The following PCDH15 variants were observed in gnomAD, a reference collection of about 807,000 sequenced individuals.
The protein encoded by PCDH15 is protocadherin related 15.
PCDH15 carries 129 observed loss-of-function variants against 178.5 expected under a neutral mutation model. The observed-to-expected ratio is 0.72, with a 90% CI of 0.63 to 0.84. The LOEUF (loss-of-function observed/expected upper bound fraction) is 0.84. PCDH15 is among the 40% of genes least tolerant of loss of function. The pLI is 0.00. For synonymous variants in PCDH15, 800 were observed against 732.0 expected, an observed-to-expected ratio of 1.09 and a Z score of -1.50; for missense variants, 2,230 against 2,099.9, an observed-to-expected ratio of 1.06 and a Z score of -1.21.
At chr10:54,155,747 A>C (rs4320869) in intron 13 of PCDH15, among the ~76,000 whole-genome samples, 32,551 of 149,600 alleles carry the variant, frequency 0.22, 4,865 homozygotes, top group East Asian at 0.86. Context: ...CAGTGACCTG[A>C]GATCATGCCA....
chr10:54,872,091 C>T (rs1414738634), intron 3 of PCDH15, among the ~76,000 whole-genome samples: 1 of 151,976 alleles, frequency 6.6e-6, no homozygotes, highest in Non-Finnish European at 1.5e-5. Flanking sequence ...AATAAAGTGT[C>T]TTTAAGTCCT....
chr10:54,098,980 C>T (rs146462171), intron 15 of PCDH15, among the ~76,000 whole-genome samples: 8 of 152,128 alleles, frequency 5.3e-5, no homozygotes, highest in South Asian at 2.1e-4. Context: ...TGGACACCTA[C>T]GAAGCAATTT....
chr10:54,378,319 T>C (rs1319884825), intron 4 of PCDH15, among the ~76,000 whole-genome samples: 6 of 150,438 alleles, frequency 4.0e-5, no homozygotes, highest in South Asian at 4.2e-4. Flanking sequence ...ATTTTTTTTT[T>C]CTTTTTTGCA....
In PCDH15 at chr10:54,172,782, A is replaced by C. The variant is rs148241670; in HGVS notation, c.1590+10662T>G. The stretch of plus-strand genomic sequence containing the variant: ...AATTTACATGATTGTAAAAACAATC[A>C]CATACAAATAAGCAGAAGCTTCATA... On this transcript the variant is annotated intron_variant, in intron 13 of 37. Transcript: ENST00000644397. 9.8e-5 allele frequency among the ~76,000 whole-genome samples: 15 copies of C among 152,336 alleles called. No homozygotes were observed. In the East Asian group the frequency reaches 2.9e-3, roughly 29 times the overall value.
intron 26 of PCDH15, among the ~76,000 whole-genome samples, chr10:53,871,816 C>T (rs2079884472): frequency 2.0e-5 from 3 of 151,614 alleles, no homozygotes; most frequent in African/African-American, 4.9e-5. Flanking sequence ...TGCAATGGCT[C>T]GATCTTGGCT....
intron 3 of PCDH15, among the ~76,000 whole-genome samples, chr10:54,477,116 A>C (rs903559193): frequency 6.6e-6 from 1 of 152,150 alleles, no homozygotes; most frequent in Non-Finnish European, 1.5e-5. Context: ...GCTGACAATA[A>C]GGTGAGGCTC....
intron 2 of PCDH15, among the ~76,000 whole-genome samples, chr10:54,950,495 G>A (rs1040991396): frequency 6.6e-5 from 10 of 152,004 alleles, no homozygotes; most frequent in African/African-American, 2.2e-4. Flanking sequence ...TGCCATCCAC[G>A]TAAGATGTAA....
chr10:55,516,857 G>C (rs761230243), intron 2 of PCDH15, among the ~76,000 whole-genome samples: 3 of 151,954 alleles, frequency 2.0e-5, no homozygotes, highest in Non-Finnish European at 4.4e-5. Flanking sequence ...TGATCACATG[G>C]GCTGTGTATT....
chr10:54,728,118 A>T (rs1942835286), intron 1 of PCDH15, among the ~76,000 whole-genome samples: 1 of 151,474 alleles, frequency 6.6e-6, no homozygotes. Context: ...ACCTGGCAGA[A>T]ACATGAAGGT....
intron 3 of PCDH15, among the ~76,000 whole-genome samples, chr10:54,508,502 A>C (rs2081360490): frequency 6.6e-6 from 1 of 152,160 alleles, no homozygotes; most frequent in Non-Finnish European, 1.5e-5. Flanking sequence ...ATGTCATAGC[A>C]TAACATAGCC....
intron 2 of PCDH15, among the ~76,000 whole-genome samples, chr10:55,613,004 A>ATT (rs1183618828): frequency 6.8e-6 from 1 of 146,504 alleles, no homozygotes; most frequent in Non-Finnish European, 1.5e-5. Flanking sequence ...TCCAATACAT[A>ATT]TTTACTAGCC....
intron 1 of PCDH15, among the ~76,000 whole-genome samples, chr10:55,189,304 T>G (rs1839880895): frequency 6.6e-6 from 1 of 151,982 alleles, no homozygotes; most frequent in Non-Finnish European, 1.5e-5. Context: ...TTCATCTGCT[T>G]TAGCTCTCTT....
At chr10:54,647,142 A>C (rs1590807046) in intron 2 of PCDH15, among the ~76,000 whole-genome samples, 1 of 152,252 alleles carries the variant, frequency 6.6e-6, no homozygotes, top group Admixed American at 6.5e-5. Flanking sequence ...CATACAGTGG[A>C]ATAGTATTCA....
At chr10:54,516,203 G>A (rs1251820276) in intron 3 of PCDH15, among the ~76,000 whole-genome samples, 1 of 152,054 alleles carries the variant, frequency 6.6e-6, no homozygotes, top group Non-Finnish European at 1.5e-5. Flanking sequence ...ACTCTGAGCT[G>A]ACGGAGAATG....
chr10:54,925,069 A>G (rs954716639), intron 2 of PCDH15, among the ~76,000 whole-genome samples: 1 of 151,820 alleles, frequency 6.6e-6, no homozygotes, highest in Admixed American at 6.6e-5. Context: ...AGGCTTTTTT[A>G]TAGTTTTGGG....
At chr10:55,073,874 C>T (rs1841813176) in intron 2 of PCDH15, among the ~76,000 whole-genome samples, 1 of 151,904 alleles carries the variant, frequency 6.6e-6, no homozygotes, top group Non-Finnish European at 1.5e-5. Context: ...CCCATCTCCC[C>T]CGACCAGGCT....
chr10:54,184,914 T>C (rs923631362), intron 12 of PCDH15, among the ~76,000 whole-genome samples: 3 of 152,104 alleles, frequency 2.0e-5, no homozygotes, highest in Non-Finnish European at 4.4e-5. Flanking sequence ...AGTTTTTTCT[T>C]CTGTGAGGAA....
intron 2 of PCDH15, among the ~76,000 whole-genome samples, chr10:54,576,058 C>T (rs956222894): frequency 6.6e-6 from 1 of 152,090 alleles, no homozygotes; most frequent in South Asian, 2.1e-4. Context: ...AACAAACAAA[C>T]AAACAAACAA....
At chr10:55,414,214 T>C (rs1026304405) in intron 2 of PCDH15, among the ~76,000 whole-genome samples, 3 of 151,512 alleles carry the variant, frequency 2.0e-5, no homozygotes, top group Admixed American at 6.6e-5. Flanking sequence ...ATTAAGAGGA[T>C]AGAAAATAGG....
Sources: gnomAD v4.1 joint callset for allele counts (sites outside exome capture counted in the v4.1 genomes callset) on GRCh38, gnomAD v4.1.1 for gene constraint, MANE v1.5 for transcripts, NCBI Gene and HGNC (gene_info 2026-07-23, HGNC 2026-07-21) for gene names.